The following GPC5 variants were observed in gnomAD, a reference collection of about 807,000 sequenced individuals.
The protein encoded by GPC5 is glypican-5.
GPC5 carries 47 observed loss-of-function variants against 53.9 expected under a neutral mutation model. The ratio of observed to expected loss-of-function variants is 0.87; its 90% CI spans 0.69 to 1.11. GPC5 has a LOEUF of 1.11. Among genes scored for constraint, GPC5 ranks in the 50% most tolerant of loss-of-function variants. GPC5 has a pLI of 0.00. For missense variants in GPC5, 748 were observed against 713.1 expected (o/e 1.05, Z -0.56); for synonymous variants, 286 against 263.3 (o/e 1.09, Z -0.84).
chr13:92,346,731 AC>A (rs1363407719), intron 7 of GPC5, among the ~76,000 whole-genome samples: 1 of 152,216 alleles, frequency 6.6e-6, no homozygotes, highest in East Asian at 1.9e-4. Context: ...CTCTGCAATG[AC>A]TGACAATTCC....
chr13:92,325,826 G>C (rs13378505), intron 7 of GPC5, among the ~76,000 whole-genome samples: 44,999 of 151,826 alleles, frequency 0.3, 6,987 homozygotes, highest in South Asian at 0.4. Flanking sequence ...GAAAATCAGT[G>C]GTTTCCTATG....
At chr13:91,821,772 T>G (rs1197472207) in intron 5 of GPC5, among the ~76,000 whole-genome samples, 1 of 152,152 alleles carries the variant, frequency 6.6e-6, no homozygotes, top group Non-Finnish European at 1.5e-5. Flanking sequence ...CAAATCCTAC[T>G]TAGACATTAC....
intron 7 of GPC5, among the ~76,000 whole-genome samples, chr13:92,374,521 C>T (rs143555569): frequency 6.6e-6 from 1 of 151,886 alleles, no homozygotes; most frequent in South Asian, 2.1e-4. Context: ...TACTATGCAG[C>T]CATAAAAAAT....
intron 7 of GPC5, among the ~76,000 whole-genome samples, chr13:92,863,042 T>A (rs1244231559): frequency 6.6e-6 from 1 of 152,190 alleles, no homozygotes; most frequent in Non-Finnish European, 1.5e-5. Context: ...CTCTGAATAC[T>A]TCCAGTTACT....
chr13:91,676,527 G>A (rs781362287), intron 2 of GPC5, among the ~76,000 whole-genome samples: 2 of 152,162 alleles, frequency 1.3e-5, no homozygotes, highest in Non-Finnish European at 2.9e-5. Flanking sequence ...TAGCAACTTA[G>A]AGTAGTTTAG....
intron 7 of GPC5, among the ~76,000 whole-genome samples, chr13:92,178,033 T>G (rs1046002971): frequency 5.3e-5 from 8 of 152,206 alleles, no homozygotes; most frequent in Non-Finnish European, 1.2e-4. Flanking sequence ...ACTGAAACTA[T>G]TCTGGCACAT....
intron 2 of GPC5, among the ~76,000 whole-genome samples, chr13:91,473,093 G>C (rs1882727749): frequency 6.6e-6 from 1 of 152,122 alleles, no homozygotes; most frequent in South Asian, 2.1e-4. Flanking sequence ...TGGAAGGTGA[G>C]AGTGTGAGCA....
Position 91,909,735 on chromosome 13 carries a change from C to T in GPC5, c.1401+1678C>T, listed in dbSNP as rs911678273. Among the ~76,000 whole-genome samples, 46 of 152,004 alleles carry T rather than the reference C, an allele frequency of 3.0e-4. 1 individual carries two copies. The highest frequency in any genetic ancestry group is 1.0e-3 in the African/African-American group (42 of 41,394). On this transcript the variant is annotated intron_variant, in intron 6 of 7. Coordinates refer to ENST00000377067, the MANE Select transcript of GPC5 (RefSeq NM_004466.6). ...CACAGTTATAAAAAAAACACATTTA[C>T]AGAGAAGAACACATAGATACCCAAT... is the stretch of plus-strand genomic sequence containing the variant.
chr13:91,779,955 C>T (rs763437151), intron 5 of GPC5, among the ~76,000 whole-genome samples: 1 of 152,072 alleles, frequency 6.6e-6, no homozygotes, highest in Non-Finnish European at 1.5e-5. Flanking sequence ...TTAGTAAATA[C>T]ATAAACCGGT....
At chr13:92,138,275 C>CT (rs1225211471) in intron 6 of GPC5, among the ~76,000 whole-genome samples, 4 of 152,120 alleles carry the variant, frequency 2.6e-5, no homozygotes, top group Admixed American at 6.5e-5. Context: ...AATCCCAGCA[C>CT]TTTGGGATGC....
At chr13:91,711,586 TAG>T (rs2036228005) in intron 3 of GPC5, among the ~76,000 whole-genome samples, 1 of 152,204 alleles carries the variant, frequency 6.6e-6, no homozygotes, top group Non-Finnish European at 1.5e-5. Flanking sequence ...ACATGTACCC[TAG>T]AAGTTAAAGT....
At chr13:91,903,898 C>G (rs1472298790) in intron 5 of GPC5, among the ~76,000 whole-genome samples, 1 of 151,838 alleles carries the variant, frequency 6.6e-6, no homozygotes, top group Non-Finnish European at 1.5e-5. Context: ...CTTTTCTGGC[C>G]TGTAAGTAAA....
At chr13:92,808,393 A>G (rs1877179192) in intron 7 of GPC5, among the ~76,000 whole-genome samples, 1 of 152,066 alleles carries the variant, frequency 6.6e-6, no homozygotes, top group Admixed American at 6.6e-5. Context: ...AATAGCAGAG[A>G]GTTCTATGCA....
chr13:91,551,625 G>T (rs2030644852), intron 2 of GPC5, among the ~76,000 whole-genome samples: 1 of 152,080 alleles, frequency 6.6e-6, no homozygotes, highest in African/African-American at 2.4e-5. Flanking sequence ...GTACAATGGG[G>T]ATAGCAAATA....
intron 7 of GPC5, among the ~76,000 whole-genome samples, chr13:92,435,907 A>G (rs991780750): frequency 3.3e-5 from 5 of 152,206 alleles, no homozygotes; most frequent in Admixed American, 6.5e-5. Flanking sequence ...TCGAATTCAC[A>G]TATATCTAAA....
intron 6 of GPC5, among the ~76,000 whole-genome samples, chr13:92,121,908 A>G (rs1156616828): frequency 2.0e-5 from 3 of 152,220 alleles, no homozygotes; most frequent in Non-Finnish European, 4.4e-5. Context: ...AGAGAAAAAA[A>G]TTAGGATTGG....
chr13:92,434,651 T>C (rs1411650198), intron 7 of GPC5, among the ~76,000 whole-genome samples: 1 of 152,182 alleles, frequency 6.6e-6, no homozygotes, highest in African/African-American at 2.4e-5. Flanking sequence ...AGAAATATCT[T>C]GAAGGTAATA....
At chr13:92,752,890 C>G (rs543525235) in intron 7 of GPC5, among the ~76,000 whole-genome samples, 1 of 152,120 alleles carries the variant, frequency 6.6e-6, no homozygotes, top group Non-Finnish European at 1.5e-5. Flanking sequence ...GATCAAACTG[C>G]AAGGCGGCAG....
At chr13:91,703,850 C>G (rs1244198377) in intron 3 of GPC5, among the ~76,000 whole-genome samples, 1 of 152,146 alleles carries the variant, frequency 6.6e-6, no homozygotes, top group African/African-American at 2.4e-5. Context: ...TTCAGATTCT[C>G]TACTTCTTCA....
Sources: gnomAD v4.1 joint callset for allele counts (sites outside exome capture counted in the v4.1 genomes callset) on GRCh38, gnomAD v4.1.1 for gene constraint, MANE v1.5 for transcripts, NCBI Gene and HGNC (gene_info 2026-07-23, HGNC 2026-07-21) for gene names.